NELL2: variants seen among roughly 807,000 people sequenced by gnomAD.
NELL2 encodes protein kinase C-binding protein NELL2.
NELL2 carries 41 observed loss-of-function variants against 109.6 expected under a neutral mutation model. That is an observed-to-expected ratio of 0.37 (90% CI 0.29 to 0.49). NELL2 has a LOEUF of 0.49. NELL2 is among the 20% of genes least tolerant of loss of function. The probability of loss-of-function intolerance (pLI) is 0.98; values close to 1 mark genes in which losing one functional copy is unlikely to be tolerated. For missense variants in NELL2, 900 were observed against 1,008.3 expected, an observed-to-expected ratio of 0.89 and a Z score of 1.45; for synonymous variants, 355 against 344.7, an observed-to-expected ratio of 1.03 and a Z score of -0.33.
intron 19 of NELL2, among the ~76,000 whole-genome samples, chr12:44,516,262 A>T (rs370345011): frequency 6.6e-6 from 1 of 151,988 alleles, no homozygotes; most frequent in South Asian, 2.1e-4. Flanking sequence ...TTCTTCCTTA[A>T]TTCTGTATGA....
intron 1 of NELL2, among the ~76,000 whole-genome samples, chr12:44,902,871 C>T (rs1404836896): frequency 6.6e-6 from 1 of 152,100 alleles, no homozygotes; most frequent in African/African-American, 2.4e-5. Context: ...TAAAACTGTA[C>T]CCCTTCCTTA....
intron 15 of NELL2, among the ~76,000 whole-genome samples, chr12:44,588,652 A>G (rs571669901): frequency 2.6e-5 from 4 of 152,364 alleles, no homozygotes; most frequent in African/African-American, 9.6e-5. Context: ...AGTGAGAACC[A>G]TCATTTATAT....
At chr12:44,658,800 C>T (rs759327295) in intron 13 of NELL2, among the ~76,000 whole-genome samples, 7 of 144,314 alleles carry the variant, frequency 4.9e-5, no homozygotes, top group Non-Finnish European at 1.0e-4. Context: ...GTTGTGAACC[C>T]TGGGGGCTGG....
chr12:44,735,951 T>C (rs191383057), intron 9 of NELL2, among the ~76,000 whole-genome samples: 1 of 151,674 alleles, frequency 6.6e-6, no homozygotes, highest in Admixed American at 6.6e-5. Flanking sequence ...AAAGTTCAGG[T>C]TAATAAGTAA....
At chr12:44,565,320 T>C (rs1476085919) in intron 15 of NELL2, among the ~76,000 whole-genome samples, 1 of 152,142 alleles carries the variant, frequency 6.6e-6, no homozygotes, top group Admixed American at 6.5e-5. Context: ...ATAATAACGA[T>C]TATATGTATC....
intron 15 of NELL2, among the ~76,000 whole-genome samples, chr12:44,563,255 T>C (rs1943537154): frequency 6.6e-6 from 1 of 151,996 alleles, no homozygotes; most frequent in Non-Finnish European, 1.5e-5. Context: ...ATGGCACATG[T>C]ATACCTATGT....
intron 2 of NELL2, among the ~76,000 whole-genome samples, chr12:44,845,541 T>C (rs1566519026): frequency 6.6e-6 from 1 of 152,246 alleles, no homozygotes; most frequent in Admixed American, 6.5e-5. Context: ...GCTACCATAT[T>C]GGACTGGATG....
chr12:44,601,954 G>A (rs1239031979), intron 15 of NELL2, among the ~76,000 whole-genome samples: 2 of 152,066 alleles, frequency 1.3e-5, no homozygotes, highest in Non-Finnish European at 2.9e-5. Flanking sequence ...AGGAGAACTG[G>A]GGTTTGGCAT....
chr12:44,794,292 T>A (rs576516602), intron 3 of NELL2, among the ~76,000 whole-genome samples: 1 of 152,170 alleles, frequency 6.6e-6, no homozygotes, highest in Non-Finnish European at 1.5e-5. Flanking sequence ...ACTCAGTACA[T>A]ACAAAATACT....
At chr12:44,672,785 G>A (rs138546450) in intron 12 of NELL2, among the ~76,000 whole-genome samples, 47 of 152,312 alleles carry the variant, frequency 3.1e-4, no homozygotes, top group African/African-American at 1.1e-3. Context: ...TTGTGCAAGA[G>A]TAAATTGGCC....
chr12:44,806,141 A>T (rs1050440173), intron 3 of NELL2, among the ~76,000 whole-genome samples: 1 of 151,888 alleles, frequency 6.6e-6, no homozygotes, highest in African/African-American at 2.4e-5. Flanking sequence ...CTTAAAGGCA[A>T]ATTAAAAATA....
chr12:44,835,822 T>C (rs1316373483), intron 2 of NELL2, among the ~76,000 whole-genome samples: 1 of 152,220 alleles, frequency 6.6e-6, no homozygotes, highest in Non-Finnish European at 1.5e-5. Context: ...GGATGCAAGC[T>C]GTAAGCTAGA....
intron 15 of NELL2, among the ~76,000 whole-genome samples, chr12:44,541,293 GACAGA>G (rs1942558565): frequency 6.8e-6 from 1 of 146,608 alleles, no homozygotes; most frequent in Non-Finnish European, 1.5e-5. Context: ...AGAGATAATT[GACAGA>G]ACAGAACCAA....
At chr12:44,807,406 G>A (rs888568022) in intron 3 of NELL2, among the ~76,000 whole-genome samples, 2 of 151,008 alleles carry the variant, frequency 1.3e-5, no homozygotes, top group East Asian at 1.9e-4. Context: ...AAAAATATCC[G>A]TTCATTAACG....
At chr12:44,892,125 T>A (rs946344653) in intron 1 of NELL2, among the ~76,000 whole-genome samples, 3 of 152,146 alleles carry the variant, frequency 2.0e-5, no homozygotes, top group Non-Finnish European at 4.4e-5. Context: ...TGGTTGGGAG[T>A]AGAATTTCCT....
intron 3 of NELL2, among the ~76,000 whole-genome samples, chr12:44,783,270 T>C (rs1398355820): frequency 6.6e-6 from 1 of 150,864 alleles, no homozygotes; most frequent in Non-Finnish European, 1.5e-5. Context: ...ACTAAATGCA[T>C]ATATTAGAAA....
At position 44,552,096 on chromosome 12, in the gene NELL2, C is replaced by T. The variant is rs1477590674; in HGVS notation, c.1664-19375G>A. Among the ~76,000 whole-genome samples, 3 of 152,118 alleles carry T rather than the reference C, an allele frequency of 2.0e-5. No individual in the cohort carries two copies. The South Asian group carries it at 6.2e-4, about 32-fold the overall frequency. On this transcript the variant is annotated intron_variant, in intron 15 of 19. Transcript: ENST00000429094. The stretch of plus-strand genomic sequence containing the variant: ...AGGCATATTACTGCTAATGTGGTGT[C>T]TGTGATGTCTGGGATGCAAAGTAAG...
chr12:44,658,876 C>CAAAAAAAAAAAA (rs758903947), intron 13 of NELL2, among the ~76,000 whole-genome samples: 12 of 97,602 alleles, frequency 1.2e-4, no homozygotes, highest in African/African-American at 4.7e-4. Context: ...GACTCTGTCT[C>CAAAAAAAAAAAA]CAAAAAAAAA....
intron 5 of NELL2, among the ~76,000 whole-genome samples, chr12:44,779,304 T>C (rs1329103572): frequency 2.0e-5 from 3 of 152,224 alleles, no homozygotes; most frequent in African/African-American, 7.2e-5. Context: ...CAATCCGCTA[T>C]TAACATCTTT....
Sources: gnomAD v4.1 joint callset for allele counts (sites outside exome capture counted in the v4.1 genomes callset) on GRCh38, gnomAD v4.1.1 for gene constraint, MANE v1.5 for transcripts, NCBI Gene and HGNC (gene_info 2026-07-23, HGNC 2026-07-21) for gene names.